MGAT4C: variants seen among roughly 807,000 people sequenced by gnomAD.
The protein encoded by MGAT4C is MGAT4 family member C, also known as alpha-1,3-mannosyl-glycoprotein 4-beta-N-acetylglucosaminyltransferase C.
In MGAT4C, 19 loss-of-function variants were observed where a neutral mutation model predicts 40.1. The observed-to-expected ratio is 0.47, with a 90% CI of 0.33 to 0.70. The LOEUF is 0.70. MGAT4C is among the 30% of genes least tolerant of loss of function. MGAT4C has a pLI of 0.02. For synonymous variants in MGAT4C, 181 were observed against 187.1 expected (o/e 0.97, Z 0.27); for missense variants, 491 against 563.2 (o/e 0.87, Z 1.30).
rs1954236363 is a variant in MGAT4C, at chr12:86,316,520, G to T, written c.-57+17545C>A. ...GAAAATGTGGTACACATACACCATG[G>T]GACACTAGGCAGCCATAGGAAAGAA... On this transcript the variant is annotated intron_variant, in intron 4 of 7. Transcript: ENST00000548651. Among the ~76,000 whole-genome samples the T allele has an allele frequency of 2.0e-5, 3 of 152,068 alleles. No homozygotes were observed. The South Asian group carries it at 6.2e-4, about 32-fold the overall frequency.
chr12:86,279,951 T>C (rs776238282), intron 4 of MGAT4C, among the ~76,000 whole-genome samples: 6 of 152,026 alleles, frequency 3.9e-5, no homozygotes, highest in Admixed American at 2.0e-4. Flanking sequence ...AATTCCTTGT[T>C]ATTGATTTCT....
intron 2 of MGAT4C, among the ~76,000 whole-genome samples, chr12:86,496,860 T>C (rs773692736): frequency 2.0e-5 from 3 of 151,996 alleles, no homozygotes; most frequent in Non-Finnish European, 4.4e-5. Flanking sequence ...ATGACTGTAG[T>C]TCATACTAGA....
At chr12:86,829,479 T>G (rs982001485) in intron 1 of MGAT4C, among the ~76,000 whole-genome samples, 36 of 151,562 alleles carry the variant, frequency 2.4e-4, no homozygotes, top group Non-Finnish European at 4.9e-4. Context: ...TACTTAAAAC[T>G]TTCTACAAAA....
intron 2 of MGAT4C, among the ~76,000 whole-genome samples, chr12:86,714,665 C>A (rs1950613740): frequency 6.6e-6 from 1 of 151,862 alleles, no homozygotes; most frequent in Non-Finnish European, 1.5e-5. Flanking sequence ...AACTGTGAGT[C>A]CATTAAACCT....
intron 2 of MGAT4C, among the ~76,000 whole-genome samples, chr12:85,997,681 C>T (rs1319910544): frequency 6.6e-6 from 1 of 152,222 alleles, no homozygotes; most frequent in Non-Finnish European, 1.5e-5. Flanking sequence ...AAATTATCTC[C>T]TTTGACTCAA....
intron 1 of MGAT4C, among the ~76,000 whole-genome samples, chr12:86,824,656 T>C (rs1952769028): frequency 6.8e-6 from 1 of 147,822 alleles, no homozygotes; most frequent in South Asian, 2.1e-4. Flanking sequence ...TCCCAGACTG[T>C]CAACACTGAA....
intron 2 of MGAT4C, among the ~76,000 whole-genome samples, chr12:86,672,435 C>A (rs1380110620): frequency 1.3e-5 from 2 of 151,692 alleles, no homozygotes; most frequent in African/African-American, 4.8e-5. Flanking sequence ...GATCAGAGCA[C>A]AAATAAATGA....
chr12:86,085,524 G>A (rs190482301), intron 1 of MGAT4C, among the ~76,000 whole-genome samples: 1 of 152,160 alleles, frequency 6.6e-6, no homozygotes, highest in East Asian at 1.9e-4. Context: ...GATGTGTTGT[G>A]TTATTTCTGA....
intron 1 of MGAT4C, among the ~76,000 whole-genome samples, chr12:86,822,169 A>T (rs1952717747): frequency 1.3e-5 from 2 of 150,990 alleles, no homozygotes; most frequent in Non-Finnish European, 3.0e-5. Flanking sequence ...AGGTCACCAC[A>T]CACATTAAAG....
intron 1 of MGAT4C, among the ~76,000 whole-genome samples, chr12:86,208,661 T>C (rs937919853): frequency 3.8e-5 from 5 of 132,044 alleles, no homozygotes; most frequent in Middle Eastern, 5.3e-3. Context: ...GAGTTTTTTA[T>C]TTTTTTTTAA....
chr12:86,215,509 G>A (rs1950637902), intron 1 of MGAT4C, among the ~76,000 whole-genome samples: 1 of 152,040 alleles, frequency 6.6e-6, no homozygotes, highest in South Asian at 2.1e-4. Context: ...AATGATAATA[G>A]CCAAGTTTTA....
chr12:86,391,768 G>A (rs901677095), intron 3 of MGAT4C, among the ~76,000 whole-genome samples: 1 of 152,086 alleles, frequency 6.6e-6, no homozygotes, highest in Non-Finnish European at 1.5e-5. Flanking sequence ...GCTGAGGCAG[G>A]AGAATGGTGT....
intron 2 of MGAT4C, among the ~76,000 whole-genome samples, chr12:86,447,343 T>G (rs556281696): frequency 2.3e-4 from 35 of 152,280 alleles, no homozygotes; most frequent in African/African-American, 7.9e-4. Context: ...TAGGCTGGTC[T>G]CGAACTACTG....
intron 1 of MGAT4C, among the ~76,000 whole-genome samples, chr12:86,216,161 G>A (rs1950663356): frequency 1.3e-5 from 2 of 152,022 alleles, no homozygotes; most frequent in Admixed American, 6.6e-5. Flanking sequence ...TGGAGAAATG[G>A]GTTAACCTTA....
rs139351658 is a variant in MGAT4C at position 86,630,430 on chromosome 12, G to A, written c.-229+96779C>T. Among the ~76,000 whole-genome samples the A allele has an allele frequency of 4.7e-3, 710 of 152,194 alleles. 6 individuals are homozygous for A. The highest frequency in any genetic ancestry group is 0.016 in the African/African-American group (673 of 41,520). On this transcript the variant is annotated intron_variant, in intron 2 of 7. Transcript: ENST00000548651. The stretch of plus-strand genomic sequence containing the variant: ...AGGCCAGTATCACTGTGATACCAAA[G>A]CCTGGCAGAGACACACAAAAAAAGA...
At chr12:86,526,694 T>G (rs556880570) in intron 2 of MGAT4C, among the ~76,000 whole-genome samples, 1 of 152,150 alleles carries the variant, frequency 6.6e-6, no homozygotes, top group Non-Finnish European at 1.5e-5. Context: ...TCCCTAGGAC[T>G]AAAGTCTCCT....
At chr12:86,606,139 A>AC (rs535476341) in intron 2 of MGAT4C, among the ~76,000 whole-genome samples, 356 of 152,028 alleles carry the variant, frequency 2.3e-3, no homozygotes, top group African/African-American at 8.2e-3. Context: ...GGGGGAAACC[A>AC]CCCCCATGAT....
At chr12:86,589,872 C>G (rs953438374) in intron 2 of MGAT4C, among the ~76,000 whole-genome samples, 1 of 151,930 alleles carries the variant, frequency 6.6e-6, no homozygotes, top group African/African-American at 2.4e-5. Flanking sequence ...TTCCCAAGCA[C>G]AAACAAAAGC....
intron 1 of MGAT4C, among the ~76,000 whole-genome samples, chr12:86,109,465 T>C (rs1876827863): frequency 6.6e-6 from 1 of 152,094 alleles, no homozygotes; most frequent in Non-Finnish European, 1.5e-5. Flanking sequence ...ATCAATGCTA[T>C]CTATAAGGTC....
Sources: allele counts gnomAD v4.1 joint callset (sites outside exome capture counted in the v4.1 genomes callset), GRCh38; gene constraint gnomAD v4.1.1; transcripts MANE v1.5; gene names NCBI Gene and HGNC (gene_info 2026-07-23, HGNC 2026-07-21).